Variants in FRAS1 observed in about 807,000 individuals in gnomAD.
FRAS1 encodes Fraser extracellular matrix complex subunit 1, also known as extracellular matrix organizing protein FRAS1.
A neutral mutation model predicts 435.2 loss-of-function variants in FRAS1; 290 were observed. That is an observed-to-expected ratio of 0.67 (90% CI 0.61 to 0.73). FRAS1 has a LOEUF of 0.73. FRAS1 is among the 30% of genes least tolerant of loss of function. The pLI, the probability that FRAS1 is intolerant of heterozygous loss-of-function variation, is 0.00. For synonymous variants in FRAS1, 1,800 were observed against 1,851.0 expected, an observed-to-expected ratio of 0.97 and a Z score of 0.71; for missense variants, 4,860 against 5,001.5, an observed-to-expected ratio of 0.97 and a Z score of 0.85.
At chr4:78,512,106 A>T (rs1425916406) in intron 64 of FRAS1, among the ~76,000 whole-genome samples, 1 of 152,222 alleles carries the variant, frequency 6.6e-6, no homozygotes, top group Non-Finnish European at 1.5e-5. Context: ...ATGAATAATA[A>T]CATTGTAGAA....
chr4:78,328,219 C>T (rs180964412), intron 18 of FRAS1, among the ~76,000 whole-genome samples: 6 of 152,284 alleles, frequency 3.9e-5, no homozygotes, highest in East Asian at 1.9e-4. Context: ...CTATTACATT[C>T]GTTTTGTGAC....
intron 2 of FRAS1, among the ~76,000 whole-genome samples, chr4:78,130,162 A>T (rs1019732183): frequency 6.7e-6 from 1 of 148,626 alleles, no homozygotes; most frequent in Non-Finnish European, 1.5e-5. Flanking sequence ...CTGTGACTGC[A>T]TGTAATGCTG....
chr4:78,181,536 C>A, intron 2 of FRAS1: 4 of 1,611,644 alleles, frequency 2.5e-6, no homozygotes, highest in East Asian at 2.2e-5. Flanking sequence ...CCCCCTCGAC[C>A]TCTTCCAAGA....
At chr4:78,296,109 G>A (rs192770601) in intron 14 of FRAS1, among the ~76,000 whole-genome samples, 1 of 151,052 alleles carries the variant, frequency 6.6e-6, no homozygotes, top group East Asian at 1.9e-4. Context: ...TTTCTAGGAT[G>A]CATACATGTT....
intron 6 of FRAS1, among the ~76,000 whole-genome samples, chr4:78,258,795 C>T (rs1280295131): frequency 4.9e-5 from 7 of 142,306 alleles, no homozygotes; most frequent in African/African-American, 1.3e-4. Flanking sequence ...CATGCTGGTG[C>T]GCTGCACCCA....
At chr4:78,395,129 G>A (rs1159488783) in intron 29 of FRAS1, among the ~76,000 whole-genome samples, 1 of 151,922 alleles carries the variant, frequency 6.6e-6, no homozygotes, top group African/African-American at 2.4e-5. Context: ...CATGGTGTCT[G>A]TAAATACAGA....
chr4:78,078,543 TATC>T (rs1221899255), intron 2 of FRAS1, among the ~76,000 whole-genome samples: 7 of 152,134 alleles, frequency 4.6e-5, no homozygotes, highest in Admixed American at 4.6e-4. Context: ...CATTTAAAAA[TATC>T]TAATAGTGTA....
At chr4:78,252,074 T>A (rs1725557203) in intron 4 of FRAS1, among the ~76,000 whole-genome samples, 1 of 152,182 alleles carries the variant, frequency 6.6e-6, no homozygotes, top group South Asian at 2.1e-4. Context: ...GTATTTGAAT[T>A]GGGGCTTTAT....
intron 2 of FRAS1, among the ~76,000 whole-genome samples, chr4:78,230,788 A>G (rs1054620588): frequency 6.6e-6 from 1 of 152,220 alleles, no homozygotes; most frequent in South Asian, 2.1e-4. Context: ...GTTTGGGGAT[A>G]GCTCAGGAAA....
intron 2 of FRAS1, among the ~76,000 whole-genome samples, chr4:78,196,211 G>A (rs1462775867): frequency 2.0e-5 from 3 of 152,066 alleles, no homozygotes; most frequent in Non-Finnish European, 2.9e-5. Context: ...GTTTCACCGT[G>A]TTAGCCAGGA....
At chr4:78,432,258 T>C (rs1414161930) in intron 37 of FRAS1, 99 bp from the exon 38 acceptor site, 1 of 1,215,294 alleles carries the variant, frequency 8.2e-7, no homozygotes, top group Admixed American at 2.7e-5. Flanking sequence ...TGAGTTATGA[T>C]CCTATATGAA....
chr4:78,227,078 A>G (rs1022453354), intron 2 of FRAS1, among the ~76,000 whole-genome samples: 1 of 152,230 alleles, frequency 6.6e-6, no homozygotes, highest in Non-Finnish European at 1.5e-5. Flanking sequence ...CAAGATATGT[A>G]TCTATTGTCT....
Position 78,539,457 on chromosome 4 carries a change from G to T in FRAS1, c.11445+17G>T. On this transcript the variant is annotated intron_variant, in intron 73 of 73. Transcript: ENST00000512123. The stretch of plus-strand genomic sequence containing the variant: ...CTCTATAAGGTGAGTTTGGTGAGAA[G>T]AACAGAAGCTTAAGACCAAGTCTAC... 3 of 1,483,440 alleles carry T rather than the reference G, an allele frequency of 2.0e-6. No homozygotes were observed. The highest frequency in any genetic ancestry group is 2.7e-6 in the Non-Finnish European group (3 of 1,107,072). 91.9% of individuals were successfully genotyped at this position (1,483,440 alleles called of 1,614,324 possible).
chr4:78,065,081 T>TACACACACAC (rs754079583), intron 1 of FRAS1, among the ~76,000 whole-genome samples: 2 of 125,696 alleles, frequency 1.6e-5, no homozygotes, highest in South Asian at 2.5e-4. Context: ...TATATATATA[T>TACACACACAC]ATACATACAC....
chr4:78,286,601 A>T (rs1253067164), intron 14 of FRAS1, 62 bp downstream of exon 14: 1 of 1,564,684 alleles, frequency 6.4e-7, no homozygotes, highest in Non-Finnish European at 8.7e-7. Context: ...CCCTGACCCC[A>T]CCAAGTGATC....
intron 50 of FRAS1, 83 bp downstream of exon 50, chr4:78,466,518 T>G: frequency 9.8e-7 from 1 of 1,023,178 alleles, no homozygotes; most frequent in Non-Finnish European, 1.4e-6. Flanking sequence ...AGCATACCAT[T>G]GTTTGAGTTC....
Position 78,466,211 on chromosome 4 carries a change from G to A in FRAS1, c.7033G>A (p.Glu2345Lys), listed in dbSNP as rs56291926. The change falls in exon 50 of 74, where the codon GAG becomes AAG. Residue 2345 changes from glutamate (E) to lysine (K), a missense_variant. Physicochemically the swap from Glu to Lys is moderately conservative, Grantham distance 56. Transcript: ENST00000512123. ...LKAVDADTEAESVTFTIVQPP... is the reference protein window; with the variant it reads ...LKAVDADTEAKSVTFTIVQPP... ...TGGTATTTTGCCTTCCGGACAGGCC[G>A]AGTCTGTCACATTCACCATCGTGCA... is the stretch of plus-strand genomic sequence containing the variant. 4.2e-4 allele frequency: 680 copies of A among 1,613,614 alleles called. 3 individuals carry two copies. In the African/African-American group the frequency reaches 8.3e-3, roughly 20 times the overall value.
In FRAS1 at chr4:78,116,211, C is replaced by A. The variant is rs537158696; in HGVS notation, c.108+50195C>A. 2.0e-5 allele frequency among the ~76,000 whole-genome samples: 3 copies of A among 152,298 alleles called. No individual in the cohort carries two copies. The South Asian group carries it at 6.2e-4, about 32-fold the overall frequency. ...TCTGAGAGACAGTTTGTTATAATGT[C>A]TGTTCTTTTACATTTGCCAAGGAGT... On this transcript the variant is annotated intron_variant, in intron 2 of 73. Coordinates refer to ENST00000512123, the MANE Select transcript of FRAS1 (RefSeq NM_025074.7).
intron 10 of FRAS1, among the ~76,000 whole-genome samples, chr4:78,280,131 A>G (rs1276319640): frequency 6.6e-6 from 1 of 152,166 alleles, no homozygotes; most frequent in Non-Finnish European, 1.5e-5. Context: ...TTCTTTTCTT[A>G]TTAAGTCAAG....
Sources: allele counts gnomAD v4.1 joint callset (sites outside exome capture counted in the v4.1 genomes callset), GRCh38; gene constraint gnomAD v4.1.1; transcripts MANE v1.5; gene names NCBI Gene and HGNC (gene_info 2026-07-23, HGNC 2026-07-21).